The following FGGY variants were observed in gnomAD, a reference collection of about 807,000 sequenced individuals.
FGGY encodes the protein FGGY carbohydrate kinase domain containing.
FGGY carries 72 observed loss-of-function variants against 71.3 expected under a neutral mutation model. The ratio of observed to expected loss-of-function variants is 1.01; its 90% CI spans 0.84 to 1.23. The LOEUF (loss-of-function observed/expected upper bound fraction) is 1.23. FGGY is among the 50% of genes most tolerant of loss of function. The pLI is 0.00. For synonymous variants in FGGY, 251 were observed against 250.3 expected (o/e 1.00, Z -0.02); for missense variants, 668 against 682.3 (o/e 0.98, Z 0.23).
intron 5 of FGGY, among the ~76,000 whole-genome samples, chr1:59,390,924 A>G (rs1396813941): frequency 6.6e-6 from 1 of 152,190 alleles, no homozygotes; most frequent in Non-Finnish European, 1.5e-5. Context: ...TTACATATAT[A>G]TTAGTAAAGC....
At chr1:59,467,245 A>G (rs1572524321) in intron 6 of FGGY, among the ~76,000 whole-genome samples, 1 of 152,220 alleles carries the variant, frequency 6.6e-6, no homozygotes, top group East Asian at 1.9e-4. Context: ...GCAAACTATC[A>G]CAAGGACAGA....
At chr1:59,323,352 A>G (rs1051696885) in intron 2 of FGGY, among the ~76,000 whole-genome samples, 12 of 152,240 alleles carry the variant, frequency 7.9e-5, no homozygotes, top group Middle Eastern at 3.2e-3. Context: ...TGTTAGCTGC[A>G]TAAGTACCAT....
chr1:59,760,296 A>G (rs182143269), intron 15 of FGGY, among the ~76,000 whole-genome samples: 1 of 152,156 alleles, frequency 6.6e-6, no homozygotes, highest in African/African-American at 2.4e-5. Flanking sequence ...GAAAACAACA[A>G]ATGTTGGCAA....
chr1:59,723,155 T>A (rs1380373899), intron 14 of FGGY, among the ~76,000 whole-genome samples: 7 of 152,182 alleles, frequency 4.6e-5, no homozygotes, highest in African/African-American at 1.4e-4. Context: ...GGGCACTAAG[T>A]GTGCTCATTG....
chr1:59,341,223 G>A (rs2050612886), intron 3 of FGGY, among the ~76,000 whole-genome samples: 1 of 152,156 alleles, frequency 6.6e-6, no homozygotes, highest in Non-Finnish European at 1.5e-5. Context: ...TGAATCAGTA[G>A]CTTTGCTGTG....
intron 8 of FGGY, among the ~76,000 whole-genome samples, chr1:59,599,090 A>G (rs1016284227): frequency 9.6e-5 from 13 of 135,706 alleles, no homozygotes; most frequent in Non-Finnish European, 2.0e-4. Context: ...AGTCCTACAC[A>G]TGTTCGTTTG....
intron 1 of FGGY, among the ~76,000 whole-genome samples, chr1:59,304,859 G>A (rs1277269946): frequency 2.0e-5 from 3 of 151,922 alleles, no homozygotes; most frequent in Non-Finnish European, 4.4e-5. Flanking sequence ...TCTTTTTGGG[G>A]TAGTTCATTG....
Position 59,512,285 on chromosome 1 carries a change from GTTTGTTT to G in FGGY, c.671-22_671-16del. On this transcript the variant is annotated intron_variant, in intron 6 of 15. Transcript: ENST00000303721. ...CTTTTGTGTTTTTCAAACTGATGGT[GTTTGTTT>G]TTTCTCATGTCTACCCAGGAAACCA... 1 of 1,576,790 alleles carries G rather than the reference GTTTGTTT, an allele frequency of 6.3e-7. No homozygotes were observed. Among genetic ancestry groups the G allele is most frequent in the Non-Finnish European group, 8.6e-7 (1 of 1,161,046 alleles).
intron 6 of FGGY, among the ~76,000 whole-genome samples, chr1:59,491,049 T>TTCCTTTCCTTTCCTTCCCTCCCTCCCTC (rs1570024110): frequency 6.2e-4 from 1 of 1,620 alleles, no homozygotes; most frequent in Non-Finnish European, 9.7e-4. Flanking sequence ...CTTCCTTCCT[T>TTCCTTTCCTTTCCTTCCCTCCCTCCCTC]CCTTCCTTCC....
chr1:59,304,975 T>A (rs1353390837), intron 1 of FGGY, among the ~76,000 whole-genome samples: 1 of 152,134 alleles, frequency 6.6e-6, no homozygotes, highest in East Asian at 1.9e-4. Flanking sequence ...CTTTGGGTGG[T>A]TTTCTATATA....
At chr1:59,499,100 A>G (rs754621456) in intron 6 of FGGY, among the ~76,000 whole-genome samples, 1 of 151,972 alleles carries the variant, frequency 6.6e-6, no homozygotes, top group African/African-American at 2.4e-5. Flanking sequence ...TTTGATCTCT[A>G]TTTCTCAGCC....
Position 59,408,690 on chromosome 1 carries a change from C to G in FGGY, c.554+29853C>G, listed in dbSNP as rs146520956. Among the ~76,000 whole-genome samples, 4 of 152,224 alleles carry G rather than the reference C, an allele frequency of 2.6e-5. No individual in the cohort carries two copies. In the East Asian group the frequency reaches 7.7e-4, roughly 29 times the overall value. On this transcript the variant is annotated intron_variant, in intron 5 of 15. Coordinates refer to ENST00000303721, the MANE Select transcript of FGGY (RefSeq NM_018291.5). ...CTTCACATCATTTTTTTCCCCAGAA[C>G]TGTTTATCCTCACTCCAGACATGAC...
chr1:59,639,567 C>A (rs1036962903), intron 11 of FGGY, among the ~76,000 whole-genome samples: 8 of 152,200 alleles, frequency 5.3e-5, no homozygotes, highest in Non-Finnish European at 1.0e-4. Context: ...ATAACCAACT[C>A]TCTCTGTAAA....
At chr1:59,652,370 C>A (rs1209728406) in intron 11 of FGGY, among the ~76,000 whole-genome samples, 1 of 149,946 alleles carries the variant, frequency 6.7e-6, no homozygotes, top group Non-Finnish European at 1.5e-5. Context: ...TTCCATTCTC[C>A]CCATCACTTT....
intron 6 of FGGY, among the ~76,000 whole-genome samples, chr1:59,476,828 G>T (rs895236600): frequency 6.6e-6 from 1 of 152,186 alleles, no homozygotes; most frequent in Non-Finnish European, 1.5e-5. Flanking sequence ...TGCCTCAGAG[G>T]TTCTTTCCTC....
At chr1:59,488,541 T>C (rs1404564532) in intron 6 of FGGY, among the ~76,000 whole-genome samples, 1 of 148,270 alleles carries the variant, frequency 6.7e-6, no homozygotes, top group East Asian at 1.9e-4. Flanking sequence ...ATATGTATTA[T>C]GTATATATTA....
At chr1:59,687,602 G>T (rs574789487) in intron 14 of FGGY, among the ~76,000 whole-genome samples, 1 of 151,764 alleles carries the variant, frequency 6.6e-6, no homozygotes, top group South Asian at 2.1e-4. Context: ...GAGTAGCTGG[G>T]ACTACAGGTA....
At chr1:59,526,362 G>A (rs2094978740) in intron 7 of FGGY, among the ~76,000 whole-genome samples, 1 of 152,206 alleles carries the variant, frequency 6.6e-6, no homozygotes, top group Admixed American at 6.5e-5. Flanking sequence ...AAGCAAGGCA[G>A]AGATTTTTTC....
At chr1:59,621,042 G>C (rs2096801444) in intron 9 of FGGY, among the ~76,000 whole-genome samples, 1 of 152,036 alleles carries the variant, frequency 6.6e-6, no homozygotes, top group African/African-American at 2.4e-5. Flanking sequence ...TCTGGTGAGG[G>C]CTCTCTTCCT....
Sources: allele counts gnomAD v4.1 joint callset (sites outside exome capture counted in the v4.1 genomes callset), GRCh38; gene constraint gnomAD v4.1.1; transcripts MANE v1.5; gene names NCBI Gene and HGNC (gene_info 2026-07-23, HGNC 2026-07-21).